REV3L: variants seen among roughly 807,000 people sequenced by gnomAD.
REV3L encodes the protein REV3 like, DNA directed polymerase zeta catalytic subunit, also known as DNA polymerase zeta catalytic subunit.
Under a neutral mutation model 299.4 loss-of-function variants are expected in REV3L, and 69 were observed. The observed-to-expected ratio is 0.23, with a 90% CI of 0.19 to 0.28. The LOEUF is 0.28. Among genes scored for constraint, REV3L ranks in the 10% least tolerant of loss-of-function variants. The pLI, the probability that REV3L is intolerant of heterozygous loss-of-function variation, is 1.00. For missense variants in REV3L, 3,128 were observed against 3,693.8 expected, an observed-to-expected ratio of 0.85 and a Z score of 3.97; for synonymous variants, 1,238 against 1,271.4, an observed-to-expected ratio of 0.97 and a Z score of 0.56.
At chr6:111,464,578 T>A (rs76656678) in intron 1 of REV3L, among the ~76,000 whole-genome samples, 3,598 of 152,204 alleles carry the variant, frequency 0.024, 59 homozygotes, top group Admixed American at 0.063. Flanking sequence ...GACAGACTTA[T>A]ATGCAGTCTA....
At chr6:111,331,407 A>G (rs1159767153) in intron 24 of REV3L, among the ~76,000 whole-genome samples, 2 of 152,218 alleles carry the variant, frequency 1.3e-5, no homozygotes, top group African/African-American at 2.4e-5. Flanking sequence ...GGCAGAAAGT[A>G]TAAGCATACG....
chr6:111,329,262 G>A (rs924941787), intron 25 of REV3L, among the ~76,000 whole-genome samples: 1 of 149,936 alleles, frequency 6.7e-6, no homozygotes, highest in Non-Finnish European at 1.5e-5. Flanking sequence ...CACGCTGGTC[G>A]CGACTCCTGA....
At chr6:111,419,114 T>G (rs1226933091) in intron 1 of REV3L, among the ~76,000 whole-genome samples, 1 of 152,134 alleles carries the variant, frequency 6.6e-6, no homozygotes, top group African/African-American at 2.4e-5. Flanking sequence ...GCCATCCAAA[T>G]CTGTAGTCAC....
intron 13 of REV3L, among the ~76,000 whole-genome samples, chr6:111,371,980 C>G (rs1036238647): frequency 6.6e-6 from 1 of 152,142 alleles, no homozygotes; most frequent in Non-Finnish European, 1.5e-5. Context: ...GTGCACACCA[C>G]CATACCCAGC....
intron 1 of REV3L, among the ~76,000 whole-genome samples, chr6:111,445,718 A>G (rs1788761333): frequency 1.3e-5 from 2 of 152,216 alleles, no homozygotes; most frequent in South Asian, 4.1e-4. Flanking sequence ...CCCCCTAAAA[A>G]GGGAAACTAA....
chr6:111,397,785 T>C (rs1020641205), intron 4 of REV3L, among the ~76,000 whole-genome samples: 15 of 151,928 alleles, frequency 9.9e-5, no homozygotes, highest in African/African-American at 2.9e-4. Context: ...CACAGGTGTA[T>C]GCCACCACAC....
At chr6:111,469,683 C>A (rs2128335870) in intron 1 of REV3L, among the ~76,000 whole-genome samples, 1 of 152,254 alleles carries the variant, frequency 6.6e-6, no homozygotes, top group Middle Eastern at 3.4e-3. Flanking sequence ...GACACATGGC[C>A]CCCATCACCC....
chr6:111,305,957 A>G (rs1220590211), intron 31 of REV3L, among the ~76,000 whole-genome samples: 1 of 152,234 alleles, frequency 6.6e-6, no homozygotes, highest in African/African-American at 2.4e-5. Flanking sequence ...TTGGTTGGTA[A>G]TAACTCCAGT....
At chr6:111,399,622 T>C (rs890065641) in intron 4 of REV3L, among the ~76,000 whole-genome samples, 5 of 152,162 alleles carry the variant, frequency 3.3e-5, no homozygotes, top group Non-Finnish European at 5.9e-5. Flanking sequence ...TGAGATAACC[T>C]GTAGGACAAC....
rs1772800352 is a variant in REV3L, at chr6:111,310,080, G to C, written c.8815C>G (p.Arg2939Gly). 6.4e-7 allele frequency: 1 copy of C among 1,556,524 alleles called. No homozygotes were observed. The highest frequency in any genetic ancestry group is 2.0e-5 in the Admixed American group (1 of 51,168). Residue 2939 changes from arginine to glycine, a missense_variant, in exon 30 of 32, where the codon CGG becomes GGG. Physicochemically the swap from Arg to Gly is moderately radical, Grantham distance 125. This residue lies in a region of REV3L where 294 missense variants were observed against 377.0 expected (regional missense o/e 0.78). Coordinates refer to ENST00000368802, the MANE Select transcript of REV3L (RefSeq NM_001372078.1). ...TCCCCAACCTGAGGCTCAGAGCGCC[G>C]GTCATAAGTCAGCATTTTCCTATTC... ...ELTRKMLTYD[R>G]RSEPQVGERV...
chr6:111,307,952 C>T (rs1430362180), intron 30 of REV3L: 4 of 275,912 alleles, frequency 1.4e-5, no homozygotes, highest in Non-Finnish European at 2.8e-5. Context: ...CACCCCCCGA[C>T]AGGCCCTGGT....
chr6:111,453,712 G>A (rs555972962), intron 1 of REV3L, among the ~76,000 whole-genome samples: 9 of 152,134 alleles, frequency 5.9e-5, no homozygotes, highest in Non-Finnish European at 8.8e-5. Context: ...AGCTGGGTGC[G>A]GTGGCTCACG....
At chr6:111,404,439 G>A (rs868601603) in intron 4 of REV3L, among the ~76,000 whole-genome samples, 1 of 152,190 alleles carries the variant, frequency 6.6e-6, no homozygotes, top group Non-Finnish European at 1.5e-5. Flanking sequence ...CACAACATCC[G>A]TTCTGCAGCC....
At chr6:111,419,969 G>A (rs1383536443) in intron 1 of REV3L, among the ~76,000 whole-genome samples, 9 of 151,728 alleles carry the variant, frequency 5.9e-5, no homozygotes, top group African/African-American at 1.7e-4. Flanking sequence ...CTCAGCCTCC[G>A]GAGTAGCTGG....
At chr6:111,326,844 C>T (rs1051685456) in intron 25 of REV3L, among the ~76,000 whole-genome samples, 1 of 151,552 alleles carries the variant, frequency 6.6e-6, no homozygotes, top group African/African-American at 2.4e-5. Flanking sequence ...TCCATTTTTA[C>T]TCTATTGGTG....
Position 111,372,798 on chromosome 6 carries a change from C to T in REV3L, c.5557G>A (p.Asp1853Asn). ...RNNDMLTPTPDSSPRSTSSPS... is the reference protein window; with the variant it reads ...RNNDMLTPTPNSSPRSTSSPS... Reference sequence around the variant, plus strand: ...GAGCTAGTAGATCTTGGTGAACTATCAGGAGTTGGTGTCAACATATCATTG... The same window carrying T: ...GAGCTAGTAGATCTTGGTGAACTATTAGGAGTTGGTGTCAACATATCATTG... Residue 1853 changes from aspartate (D) to asparagine (N), a missense_variant, in exon 13 of 32, where the codon GAT (aspartate) becomes AAT (asparagine). This residue lies in a region of REV3L where 2,409 missense variants were observed against 2,611.8 expected (regional missense o/e 0.92). Transcript: ENST00000368802. 6.2e-7 allele frequency: 1 copy of T among 1,613,024 alleles called. No individual in the cohort carries two copies. The highest frequency in any genetic ancestry group is 1.1e-5 in the South Asian group (1 of 90,774).
intron 4 of REV3L, among the ~76,000 whole-genome samples, chr6:111,402,345 C>T (rs1783172378): frequency 6.6e-6 from 1 of 152,144 alleles, no homozygotes; most frequent in Non-Finnish European, 1.5e-5. Context: ...TGAGGCCCTA[C>T]CTTAACCTGC....
intron 19 of REV3L, among the ~76,000 whole-genome samples, chr6:111,349,538 T>G (rs564802144): frequency 2.0e-5 from 3 of 152,200 alleles, no homozygotes; most frequent in African/African-American, 2.4e-5. Context: ...TAAGAAACAC[T>G]TTTTTCTTTA....
At chr6:111,458,004 C>T (rs1431441778) in intron 1 of REV3L, among the ~76,000 whole-genome samples, 1 of 151,660 alleles carries the variant, frequency 6.6e-6, no homozygotes, top group African/African-American at 2.4e-5. Flanking sequence ...GAATCAAAGA[C>T]AAATGACAAA....
Sources: gnomAD v4.1 joint callset for allele counts (sites outside exome capture counted in the v4.1 genomes callset) on GRCh38, gnomAD v4.1.1 for gene constraint, gnomAD v4.1.1 regional missense constraint, MANE v1.5 for transcripts, NCBI Gene and HGNC (gene_info 2026-07-23, HGNC 2026-07-21) for gene names.